PTK2B: variants seen among roughly 807,000 people sequenced by gnomAD.
PTK2B encodes protein tyrosine kinase 2 beta.
Under a neutral mutation model 142.9 loss-of-function variants are expected in PTK2B, and 71 were observed. The observed-to-expected ratio is 0.50, with a 90% CI of 0.41 to 0.61. PTK2B has a LOEUF of 0.61. Ranked by LOEUF, PTK2B falls within the 20% of genes least tolerant of loss-of-function variation. The probability of loss-of-function intolerance (pLI) is 0.00; values close to 1 mark genes in which losing one functional copy is unlikely to be tolerated. For synonymous variants in PTK2B, 519 were observed against 503.4 expected (o/e 1.03, Z -0.42); for missense variants, 1,105 against 1,320.4 (o/e 0.84, Z 2.53).
chr8:27,407,189 C>T (rs1808770882), intron 2 of PTK2B, among the ~76,000 whole-genome samples: 1 of 152,086 alleles, frequency 6.6e-6, no homozygotes, highest in Non-Finnish European at 1.5e-5. Context: ...CTTTTGTTAA[C>T]CTTTTCAGCC....
intron 1 of PTK2B, among the ~76,000 whole-genome samples, chr8:27,348,492 C>T (rs1162630489): frequency 2.0e-5 from 3 of 152,158 alleles, no homozygotes; most frequent in Non-Finnish European, 2.9e-5. Flanking sequence ...TTGATGCCGT[C>T]GCCTAGTAAC....
intron 3 of PTK2B, among the ~76,000 whole-genome samples, chr8:27,316,377 G>A (rs1406459076): frequency 2.6e-5 from 4 of 151,438 alleles, no homozygotes; most frequent in South Asian, 4.2e-4. Context: ...AAAAAGGCAA[G>A]ACTCAACTAT....
intron 2 of PTK2B, 28 bp from the exon 3 acceptor site, chr8:27,419,867 A>G: frequency 6.2e-7 from 1 of 1,612,550 alleles, no homozygotes; most frequent in Non-Finnish European, 8.5e-7. Flanking sequence ...GGCACCCCTG[A>G]GTCATGCCTC....
At chr8:27,361,045 G>A (rs1412265605) in intron 1 of PTK2B, among the ~76,000 whole-genome samples, 2 of 152,056 alleles carry the variant, frequency 1.3e-5, no homozygotes, top group African/African-American at 2.4e-5. Flanking sequence ...AGTAAAGTCT[G>A]GGCTTGTAGT....
intron 2 of PTK2B, among the ~76,000 whole-genome samples, chr8:27,404,473 C>G (rs999271214): frequency 2.1e-4 from 32 of 152,326 alleles, no homozygotes; most frequent in African/African-American, 6.3e-4. Flanking sequence ...TCAGGAGGGG[C>G]AGAGGCTGCA....
At chr8:27,334,851 G>A (rs1240427726) in intron 1 of PTK2B, among the ~76,000 whole-genome samples, 1 of 152,180 alleles carries the variant, frequency 6.6e-6, no homozygotes, top group African/African-American at 2.4e-5. Context: ...TCCTGAAGGT[G>A]GAGATTTCCT....
intron 1 of PTK2B, among the ~76,000 whole-genome samples, chr8:27,353,546 C>G (rs1342685914): frequency 7.5e-6 from 1 of 132,990 alleles, no homozygotes; most frequent in African/African-American, 2.5e-5. Context: ...CTCATGCATG[C>G]TCGCTCTCTC....
intron 2 of PTK2B, among the ~76,000 whole-genome samples, chr8:27,401,875 G>A (rs2131492395): frequency 6.6e-6 from 1 of 152,224 alleles, no homozygotes; most frequent in East Asian, 1.9e-4. Flanking sequence ...TAGCCATGGG[G>A]ATAGTGATGG....
At chr8:27,403,749 TTGCTGCTGC>T (rs150857122) in intron 2 of PTK2B, among the ~76,000 whole-genome samples, 30 of 151,672 alleles carry the variant, frequency 2.0e-4, no homozygotes, top group African/African-American at 6.0e-4. Flanking sequence ...TCTTTGGCTC[TTGCTGCTGC>T]TGCTGCTGCT....
intron 1 of PTK2B, among the ~76,000 whole-genome samples, chr8:27,334,806 T>TG (rs1803962775): frequency 6.6e-6 from 1 of 152,194 alleles, no homozygotes; most frequent in Admixed American, 6.5e-5. Context: ...GTCTCTTGAA[T>TG]TCTTGCCCTG....
At chr8:27,350,103 A>G (rs1804953698) in intron 1 of PTK2B, among the ~76,000 whole-genome samples, 1 of 152,258 alleles carries the variant, frequency 6.6e-6, no homozygotes, top group Non-Finnish European at 1.5e-5. Flanking sequence ...TCAAAGCATG[A>G]TAAAGGTACG....
intron 22 of PTK2B, among the ~76,000 whole-genome samples, chr8:27,443,509 C>A (rs184751846): frequency 9.8e-5 from 15 of 152,310 alleles, no homozygotes; most frequent in Admixed American, 9.8e-4. Context: ...AGTCCAAGAT[C>A]AAGGTGTTGG....
intron 1 of PTK2B, among the ~76,000 whole-genome samples, chr8:27,360,444 G>T (rs1194093744): frequency 6.6e-6 from 1 of 152,194 alleles, no homozygotes; most frequent in Non-Finnish European, 1.5e-5. Context: ...GAGGGATAGA[G>T]ACAGGGAGCT....
intron 26 of PTK2B, 84 bp downstream of exon 26, chr8:27,451,162 C>A: frequency 6.7e-7 from 1 of 1,492,872 alleles, no homozygotes; most frequent in Non-Finnish European, 9.3e-7. Flanking sequence ...CCAACTTGCT[C>A]CTACCCCCAG....
chr8:27,431,510 G>C, intron 9 of PTK2B, 38 bp downstream of exon 9: 1 of 1,611,702 alleles, frequency 6.2e-7, no homozygotes, highest in Non-Finnish European at 8.5e-7. Flanking sequence ...AGCCCCAGGC[G>C]GGGAGGTCGT....
intron 20 of PTK2B, 88 bp from the exon 21 acceptor site, chr8:27,440,149 T>C (rs1440230692): frequency 5.1e-6 from 7 of 1,364,082 alleles, no homozygotes; most frequent in Non-Finnish European, 7.2e-6. Context: ...CTGCTCCTGG[T>C]GGAGACTGAG....
intron 1 of PTK2B, among the ~76,000 whole-genome samples, chr8:27,375,750 G>A (rs1054082285): frequency 5.9e-5 from 9 of 152,280 alleles, no homozygotes; most frequent in Middle Eastern, 3.4e-3. Flanking sequence ...AGTTATGCAC[G>A]GGTGCCCCCA....
intron 1 of PTK2B, among the ~76,000 whole-genome samples, chr8:27,351,997 T>C (rs1805122894): frequency 6.6e-6 from 1 of 152,206 alleles, no homozygotes; most frequent in Non-Finnish European, 1.5e-5. Context: ...TCAATAAATA[T>C]GACTCAGGCT....
intron 2 of PTK2B, among the ~76,000 whole-genome samples, chr8:27,419,037 A>C (rs1809577441): frequency 6.6e-6 from 1 of 152,170 alleles, no homozygotes; most frequent in Non-Finnish European, 1.5e-5. Flanking sequence ...CAAGAAAAAA[A>C]AAATGGCACC....
Sources: allele counts gnomAD v4.1 joint callset (sites outside exome capture counted in the v4.1 genomes callset), GRCh38; gene constraint gnomAD v4.1.1; transcripts MANE v1.5; gene names NCBI Gene and HGNC (gene_info 2026-07-23, HGNC 2026-07-21).